The following FRAS1 variants were observed in gnomAD, a reference collection of about 807,000 sequenced individuals.
FRAS1 encodes the protein Fraser extracellular matrix complex subunit 1.
Under a neutral mutation model 435.2 loss-of-function variants are expected in FRAS1, and 290 were observed. That is an observed-to-expected ratio of 0.67 (90% confidence interval 0.61 to 0.73). FRAS1 has a LOEUF of 0.73. FRAS1 is among the 30% of genes least tolerant of loss of function. The pLI is 0.00. For synonymous variants in FRAS1, 1,800 were observed against 1,851.0 expected, an observed-to-expected ratio of 0.97 and a Z score of 0.71; for missense variants, 4,860 against 5,001.5, an observed-to-expected ratio of 0.97 and a Z score of 0.85.
intron 2 of FRAS1, among the ~76,000 whole-genome samples, chr4:78,231,163 G>A (rs895946879): frequency 6.6e-6 from 1 of 151,928 alleles, no homozygotes; most frequent in Non-Finnish European, 1.5e-5. Context: ...CACCATGTTG[G>A]CCAGGCTGGT....
chr4:78,372,639 GAC>G, intron 23 of FRAS1, 77 bp from the exon 24 acceptor site: 1 of 1,555,096 alleles, frequency 6.4e-7, no homozygotes, highest in Non-Finnish European at 8.8e-7. Context: ...TGCAGCTGCA[GAC>G]AGAGTCCTCA....
At chr4:78,217,155 GGA>G (rs371385645) in intron 2 of FRAS1, among the ~76,000 whole-genome samples, 22 of 151,992 alleles carry the variant, frequency 1.4e-4, no homozygotes, top group African/African-American at 5.1e-4. Context: ...CCCAGCTGAA[GGA>G]GAGAGAGAGA....
Position 78,378,998 on chromosome 4 carries a change from C to T in FRAS1, c.3293-728C>T, listed in dbSNP as rs142053445. On this transcript the variant is annotated intron_variant, in intron 26 of 73. Transcript: ENST00000512123. ...TTCTTCTAAGAGTTTTATAGTTTAACGATTACATTGAAGTCCTATGCTCTT... is the reference window on the plus strand; with the variant it reads ...TTCTTCTAAGAGTTTTATAGTTTAATGATTACATTGAAGTCCTATGCTCTT... 3.2e-3 allele frequency among the ~76,000 whole-genome samples: 480 copies of T among 152,214 alleles called. 10 individuals are homozygous for T. Among genetic ancestry groups the T allele is most frequent in the African/African-American group, 0.011 (440 of 41,488 alleles).
intron 47 of FRAS1, among the ~76,000 whole-genome samples, chr4:78,462,086 C>T (rs932599613): frequency 2.7e-5 from 4 of 150,800 alleles, no homozygotes; most frequent in Non-Finnish European, 4.4e-5. Flanking sequence ...GCACACTTTA[C>T]GCCGGAAGCA....
intron 19 of FRAS1, among the ~76,000 whole-genome samples, chr4:78,336,316 C>T (rs1730168715): frequency 6.6e-6 from 1 of 152,186 alleles, no homozygotes; most frequent in Non-Finnish European, 1.5e-5. Context: ...CCCTTGAGAG[C>T]TGTTTCTATC....
At chr4:78,419,990 A>G (rs1733708608) in intron 33 of FRAS1, among the ~76,000 whole-genome samples, 1 of 152,190 alleles carries the variant, frequency 6.6e-6, no homozygotes, top group South Asian at 2.1e-4. Context: ...ACCTCCCACC[A>G]GACCCTGCCT....
rs369880279 is a variant in FRAS1 at position 78,468,230 on chromosome 4, G to A, written c.7258-1748G>A. On this transcript the variant is annotated intron_variant, in intron 50 of 73. Coordinates refer to ENST00000512123, the MANE Select transcript of FRAS1 (RefSeq NM_025074.7). ...AGGTCTTAGGTTTAATTCTTTGGTCGATTTTGATTTGATTTTTGTATGTGG... is the reference window on the plus strand; with the variant it reads ...AGGTCTTAGGTTTAATTCTTTGGTCAATTTTGATTTGATTTTTGTATGTGG... Among the ~76,000 whole-genome samples the A allele has an allele frequency of 2.6e-5, 4 of 152,066 alleles. No individual in the cohort carries two copies. In the East Asian group the frequency reaches 7.7e-4, roughly 29 times the overall value.
intron 2 of FRAS1, among the ~76,000 whole-genome samples, chr4:78,168,575 C>T (rs1381569616): frequency 2.0e-5 from 3 of 151,840 alleles, no homozygotes; most frequent in Admixed American, 6.6e-5. Flanking sequence ...CTGTCTACTA[C>T]CTTTTCTCCT....
intron 61 of FRAS1, among the ~76,000 whole-genome samples, 171 bp downstream of exon 61, chr4:78,500,092 A>G (rs1476965261): frequency 6.6e-6 from 1 of 152,172 alleles, no homozygotes; most frequent in African/African-American, 2.4e-5. Flanking sequence ...AATTCGTAAA[A>G]ATGACATGGG....
At chr4:78,339,785 G>C (rs564177466) in intron 20 of FRAS1, among the ~76,000 whole-genome samples, 9 of 152,340 alleles carry the variant, frequency 5.9e-5, no homozygotes, top group Admixed American at 1.3e-4. Flanking sequence ...GTTTTGACTA[G>C]ATTTTGTGAG....
intron 2 of FRAS1, among the ~76,000 whole-genome samples, chr4:78,123,203 A>G (rs1362835116): frequency 6.6e-6 from 1 of 152,188 alleles, no homozygotes; most frequent in Non-Finnish European, 1.5e-5. Flanking sequence ...GTGGCTAGCC[A>G]GTTTTCCCAG....
chr4:78,513,325 A>G, intron 64 of FRAS1, 67 bp from the exon 65 acceptor site: 1 of 1,490,594 alleles, frequency 6.7e-7, no homozygotes. Flanking sequence ...GTGATGAGAA[A>G]GAAGTATGTC....
chr4:78,404,584 G>C (rs1733028884), intron 30 of FRAS1, among the ~76,000 whole-genome samples: 1 of 152,018 alleles, frequency 6.6e-6, no homozygotes, highest in Non-Finnish European at 1.5e-5. Flanking sequence ...ATGATTGATG[G>C]CCAGTAGTGG....
chr4:78,442,794 G>C (rs1021460263), intron 41 of FRAS1, among the ~76,000 whole-genome samples: 2 of 152,172 alleles, frequency 1.3e-5, no homozygotes, highest in Non-Finnish European at 2.9e-5. Flanking sequence ...AGCAACCCCA[G>C]AGTTCCTGTT....
intron 22 of FRAS1, among the ~76,000 whole-genome samples, chr4:78,369,535 A>G (rs1563259): frequency 0.17 from 25,530 of 152,214 alleles, 2,746 homozygotes; most frequent in East Asian, 0.33. Flanking sequence ...GTTCTGAACT[A>G]TAATTCCAGG....
At chr4:78,181,349 TC>T (rs2110050712) in intron 2 of FRAS1, 1 of 1,611,558 alleles carries the variant, frequency 6.2e-7, no homozygotes, top group East Asian at 2.2e-5. Context: ...TTGATCCAAG[TC>T]AGTTAATTCG....
At chr4:78,359,679 T>A (rs1731000248) in intron 20 of FRAS1, among the ~76,000 whole-genome samples, 1 of 152,132 alleles carries the variant, frequency 6.6e-6, no homozygotes, top group South Asian at 2.1e-4. Flanking sequence ...GTAGAATGAA[T>A]ACAGGTAGTG....
At chr4:78,410,452 T>C (rs1405374043) in intron 31 of FRAS1, among the ~76,000 whole-genome samples, 1 of 127,180 alleles carries the variant, frequency 7.9e-6, no homozygotes, top group Admixed American at 7.9e-5. Context: ...AAAATAATGA[T>C]TTAAAAAAAA....
chr4:78,284,500 G>A lies in FRAS1; in HGVS notation c.1351G>A (p.Val451Met). 1 of 1,613,660 alleles carries A rather than the reference G, an allele frequency of 6.2e-7. No homozygotes were observed. Among genetic ancestry groups the A allele is most frequent in the Non-Finnish European group, 8.5e-7 (1 of 1,179,740 alleles). ...PTKLLQNGWC[V>M]HSCGLGFYQA... The stretch of plus-strand genomic sequence containing the variant: ...CAAGTTACTGCAGAATGGATGGTGT[G>A]TGCACAGCTGTGGACTGGGTTTTTA... Residue 451 changes from valine to methionine, a missense_variant, in exon 13 of 74, where the codon GTG becomes ATG. Coordinates refer to ENST00000512123, the MANE Select transcript of FRAS1 (RefSeq NM_025074.7).
Sources: gnomAD v4.1 joint callset for allele counts (sites outside exome capture counted in the v4.1 genomes callset) on GRCh38, gnomAD v4.1.1 for gene constraint, MANE v1.5 for transcripts, NCBI Gene and HGNC (gene_info 2026-07-23, HGNC 2026-07-21) for gene names.